The following ERC2 variants were observed in gnomAD, a reference collection of about 807,000 sequenced individuals.
ERC2 encodes the protein ELKS/RAB6-interacting/CAST family member 2.
In ERC2, 42 loss-of-function variants were observed where a neutral mutation model predicts 114.8. That is an observed-to-expected ratio of 0.37 (90% CI 0.29 to 0.47). The LOEUF is 0.47. Among genes scored for constraint, ERC2 ranks in the 20% least tolerant of loss-of-function variants. The probability of loss-of-function intolerance (pLI) is 0.99; values close to 1 mark genes in which losing one functional copy is unlikely to be tolerated. For missense variants in ERC2, 939 were observed against 1,150.7 expected (o/e 0.82, Z 2.66); for synonymous variants, 454 against 425.5 (o/e 1.07, Z -0.82).
rs943198190 is a variant in ERC2, at chr3:56,212,822, C to A, written c.1075-39302G>T. 2.0e-5 allele frequency among the ~76,000 whole-genome samples: 3 copies of A among 151,902 alleles called. No individual in the cohort carries two copies. In the East Asian group the frequency reaches 5.8e-4, roughly 29 times the overall value. Reference sequence around the variant, plus strand: ...ACACACACACACACACATGCACATGCACACACCATGGAATAGTACTCAGCC... The same window carrying A: ...ACACACACACACACACATGCACATGAACACACCATGGAATAGTACTCAGCC... On this transcript the variant is annotated intron_variant, in intron 3 of 17. Coordinates refer to ENST00000288221, the MANE Select transcript of ERC2 (RefSeq NM_015576.3).
chr3:56,011,013 C>G (rs1226061068), intron 8 of ERC2, among the ~76,000 whole-genome samples: 1 of 152,212 alleles, frequency 6.6e-6, no homozygotes, highest in Non-Finnish European at 1.5e-5. Flanking sequence ...CATTTGTCAT[C>G]AAAGAGCCTT....
At chr3:56,154,476 AC>A (rs1275853848) in intron 4 of ERC2, among the ~76,000 whole-genome samples, 1 of 152,072 alleles carries the variant, frequency 6.6e-6, no homozygotes, top group Non-Finnish European at 1.5e-5. Flanking sequence ...TCTTCATGAA[AC>A]CCATGCCCTT....
intron 17 of ERC2, among the ~76,000 whole-genome samples, chr3:55,613,272 G>A (rs1195772219): frequency 6.6e-6 from 1 of 152,124 alleles, no homozygotes; most frequent in Non-Finnish European, 1.5e-5. Flanking sequence ...GACACTCATA[G>A]GATTATATGC....
chr3:56,378,581 AAAAAAC>A (rs60595917), intron 2 of ERC2, among the ~76,000 whole-genome samples: 4,717 of 151,842 alleles, frequency 0.031, 140 homozygotes, highest in African/African-American at 0.073. Flanking sequence ...TAAAAAAAAA[AAAAAAC>A]AAAGGCAGCA....
At chr3:56,064,776 A>T (rs991038393) in intron 7 of ERC2, among the ~76,000 whole-genome samples, 2 of 152,260 alleles carry the variant, frequency 1.3e-5, no homozygotes, top group Non-Finnish European at 1.5e-5. Flanking sequence ...AGAACTTGTG[A>T]TCTACACCAG....
At chr3:55,688,607 C>A (rs1187147784) in intron 16 of ERC2, among the ~76,000 whole-genome samples, 1 of 152,156 alleles carries the variant, frequency 6.6e-6, no homozygotes, top group African/African-American at 2.4e-5. Context: ...ATGGTTGGAA[C>A]TAGAAGCTAC....
intron 17 of ERC2, among the ~76,000 whole-genome samples, chr3:55,663,505 C>T (rs548644418): frequency 6.6e-6 from 1 of 152,314 alleles, no homozygotes; most frequent in East Asian, 1.9e-4. Flanking sequence ...TTCAAAGAAA[C>T]AGACCCTTGG....
At chr3:55,968,243 G>A (rs1271616271) in intron 12 of ERC2, among the ~76,000 whole-genome samples, 2 of 152,070 alleles carry the variant, frequency 1.3e-5, no homozygotes, top group African/African-American at 4.8e-5. Context: ...TTCCCTGGCT[G>A]TTGATGTTTA....
chr3:56,465,772 CAG>C (rs2063517421), intron 1 of ERC2, among the ~76,000 whole-genome samples: 2 of 152,334 alleles, frequency 1.3e-5, no homozygotes, highest in South Asian at 4.1e-4. Flanking sequence ...ATATAATAAA[CAG>C]AGTTACTAAA....
chr3:55,740,032 GT>G (rs2065885087), intron 14 of ERC2, among the ~76,000 whole-genome samples: 1 of 152,036 alleles, frequency 6.6e-6, no homozygotes, highest in Admixed American at 6.6e-5. Context: ...CCCATTGCTT[GT>G]TTTTGTGTAT....
At chr3:56,099,354 C>G (rs1384959948) in intron 6 of ERC2, among the ~76,000 whole-genome samples, 1 of 152,196 alleles carries the variant, frequency 6.6e-6, no homozygotes, top group African/African-American at 2.4e-5. Flanking sequence ...AAAACTTATA[C>G]AGTATCCCCT....
At chr3:55,772,783 C>T (rs961525319) in intron 14 of ERC2, among the ~76,000 whole-genome samples, 9 of 152,098 alleles carry the variant, frequency 5.9e-5, no homozygotes, top group Non-Finnish European at 1.2e-4. Flanking sequence ...CTGTAGTTAC[C>T]CTGTCTTAGC....
chr3:56,417,650 A>G (rs564527354), intron 2 of ERC2, among the ~76,000 whole-genome samples: 187 of 152,334 alleles, frequency 1.2e-3, no homozygotes, highest in African/African-American at 4.3e-3. Flanking sequence ...AAGTGCAGAG[A>G]GATAAAGTTA....
At chr3:55,529,910 G>T (rs1170447961) in intron 17 of ERC2, among the ~76,000 whole-genome samples, 1 of 152,172 alleles carries the variant, frequency 6.6e-6, no homozygotes. Flanking sequence ...CAAACTCATT[G>T]TATGGTCTGG....
intron 17 of ERC2, among the ~76,000 whole-genome samples, chr3:55,554,284 C>G (rs1559644741): frequency 2.0e-5 from 3 of 152,240 alleles, no homozygotes; most frequent in East Asian, 3.9e-4. Context: ...TTTTCATAAA[C>G]TTCTTTGTTT....
At chr3:55,655,168 G>A (rs2060802174) in intron 17 of ERC2, among the ~76,000 whole-genome samples, 3 of 152,138 alleles carry the variant, frequency 2.0e-5, no homozygotes, top group Admixed American at 2.0e-4. Flanking sequence ...TCCACAGCAG[G>A]ACTAAGCTGC....
chr3:56,073,158 T>C (rs529613819), intron 7 of ERC2, among the ~76,000 whole-genome samples: 1 of 152,154 alleles, frequency 6.6e-6, no homozygotes, highest in Non-Finnish European at 1.5e-5. Context: ...GTTATGCATT[T>C]CAACTGAGAT....
Position 56,412,834 on chromosome 3 carries a change from A to G in ERC2, c.657+21517T>C, listed in dbSNP as rs1559467097. ...TTAGCTATTACTATTATTTTATTCTAATATCTACTTAATTATAGATAAAGG... is the reference window on the plus strand; with the variant it reads ...TTAGCTATTACTATTATTTTATTCTGATATCTACTTAATTATAGATAAAGG... On this transcript the variant is annotated intron_variant, in intron 2 of 17. Coordinates refer to ENST00000288221, the MANE Select transcript of ERC2 (RefSeq NM_015576.3). 2.0e-5 allele frequency among the ~76,000 whole-genome samples: 3 copies of G among 152,232 alleles called. No individual in the cohort carries two copies. In the South Asian group the frequency reaches 6.2e-4, roughly 32 times the overall value.
In ERC2 at chr3:55,540,116, C is replaced by T. The variant is rs541784800; in HGVS notation, c.*40-28840G>A. ...GGGAGATAAGGATCCTGGATCGCTG[C>T]ATTTCCAGGCTAATGCCTGTGGATT... On this transcript the variant is annotated intron_variant, in intron 17 of 17. Coordinates refer to ENST00000288221, the MANE Select transcript of ERC2 (RefSeq NM_015576.3). 7.9e-5 allele frequency among the ~76,000 whole-genome samples: 12 copies of T among 152,262 alleles called. 1 individual carries two copies. The highest frequency in any genetic ancestry group is 6.8e-3 in the Middle Eastern group (2 of 294).
Sources: gnomAD v4.1 joint callset for allele counts (sites outside exome capture counted in the v4.1 genomes callset) on GRCh38, gnomAD v4.1.1 for gene constraint, MANE v1.5 for transcripts, NCBI Gene and HGNC (gene_info 2026-07-23, HGNC 2026-07-21) for gene names.